Variants in SLC2A7 observed in about 807,000 individuals in gnomAD.
SLC2A7 encodes solute carrier family 2, facilitated glucose transporter member 7.
A neutral mutation model predicts 50.5 loss-of-function variants in SLC2A7; 50 were observed. The observed-to-expected ratio is 0.99, with a 90% CI of 0.79 to 1.25. The LOEUF (loss-of-function observed/expected upper bound fraction) is 1.25, where lower values mean the gene tolerates loss of function less well. Ranked by LOEUF, SLC2A7 falls within the 50% of genes most tolerant of loss-of-function variation. The pLI, the probability that SLC2A7 is intolerant of heterozygous loss-of-function variation, is 0.00. For synonymous variants in SLC2A7, 308 were observed against 300.4 expected (o/e 1.03, Z -0.26); for missense variants, 683 against 679.1 (o/e 1.01, Z -0.06).
intron 3 of SLC2A7, among the ~76,000 whole-genome samples, chr1:9,022,568 C>T (rs994403285): frequency 6.6e-6 from 1 of 152,132 alleles, no homozygotes; most frequent in Non-Finnish European, 1.5e-5. Flanking sequence ...GAGCCATGGT[C>T]ACCTGACCCC....
chr1:9,021,738 G>A (rs1557653056), intron 3 of SLC2A7, among the ~76,000 whole-genome samples: 3 of 152,170 alleles, frequency 2.0e-5, no homozygotes, highest in Admixed American at 6.5e-5. Flanking sequence ...GCCCCGACAC[G>A]TTCCCACCCT....
rs1640603256 is a variant in SLC2A7, at chr1:9,003,361, T to C, written c.1478A>G (p.Lys493Arg). The change falls in exon 12 of 12, where the codon AAA becomes AGA. Residue 493 changes from lysine (K) to arginine (R), a missense_variant. Coordinates refer to ENST00000400906, the MANE Select transcript of SLC2A7 (RefSeq NM_207420.3). Reference sequence around the variant, plus strand: ...AGGCCCAGCATCAATGGTTTCTTCTTTCTCCTCTGGAAGCTTCACCCTGTT... The same window carrying C: ...AGGCCCAGCATCAATGGTTTCTTCTCTCTCCTCTGGAAGCTTCACCCTGTT... ...KRNRVKLPEE[K>R]EETIDAGPPT... is the part of the protein sequence containing the mutation. 6.2e-7 allele frequency: 1 copy of C among 1,614,098 alleles called. No homozygotes were observed. Among genetic ancestry groups the C allele is most frequent in the African/African-American group, 1.3e-5 (1 of 74,928 alleles).
Position 9,026,304 on chromosome 1 carries a change from G to T in SLC2A7, c.42C>A (p.Ser14=), listed in dbSNP as rs1311390774. 6.2e-7 allele frequency: 1 copy of T among 1,609,510 alleles called. No individual in the cohort carries two copies. Among genetic ancestry groups the T allele is most frequent in the African/African-American group, 1.3e-5 (1 of 74,980 alleles). Residue 14 remains serine, a synonymous_variant, in exon 1 of 12, where the codon TCC becomes TCA. Transcript: ENST00000400906. The part of the protein sequence containing the change: ...KEAGTPPPIP[S]REGRLQPTLL... ...TAGTCTTGGCACTTACCCCCTCCCTGGATGGAATGGGTGGAGGGGTTCCCG... is the reference window on the plus strand; with the variant it reads ...TAGTCTTGGCACTTACCCCCTCCCTTGATGGAATGGGTGGAGGGGTTCCCG...
chr1:9,016,267 C>T (rs944059779), intron 5 of SLC2A7, among the ~76,000 whole-genome samples: 2 of 152,168 alleles, frequency 1.3e-5, no homozygotes, highest in Admixed American at 1.3e-4. Flanking sequence ...ATAAATCCAC[C>T]CATTAAGGAA....
intron 9 of SLC2A7, 147 bp from the exon 10 acceptor site, chr1:9,007,532 A>G (rs757747363): frequency 2.8e-6 from 2 of 702,682 alleles, no homozygotes; most frequent in Non-Finnish European, 4.8e-6. Flanking sequence ...TCTGTGGGCA[A>G]GAGAGGAAGG....
chr1:9,024,926 G>T (rs1229569699), intron 2 of SLC2A7, 50 bp downstream of exon 2: 1 of 1,594,494 alleles, frequency 6.3e-7, no homozygotes. Context: ...TTCCACCCAC[G>T]ACCCCGGTCA....
At chr1:9,000,735 T>C (rs2124229000), downstream of SLC2A7, among the ~76,000 whole-genome samples, 1 of 150,588 alleles carries the variant, frequency 6.6e-6, no homozygotes, top group Admixed American at 6.7e-5. Context: ...AAACAGCATG[T>C]GACTTTCCTG....
chr1:9,014,919 GC>G, intron 6 of SLC2A7, 51 bp from the exon 7 acceptor site: 1 of 1,527,012 alleles, frequency 6.5e-7, no homozygotes. Context: ...TGCAGGCTGG[GC>G]CCCAAGCCCC....
chr1:8,998,273 C>T (rs61623571), downstream of SLC2A7, among the ~76,000 whole-genome samples: 6,354 of 152,018 alleles, frequency 0.042, 433 homozygotes, highest in African/African-American at 0.15. Context: ...GGTGTGGTGG[C>T]GGGCGCCTGC....
chr1:9,013,813 C>A (rs569284082), intron 7 of SLC2A7, among the ~76,000 whole-genome samples, 178 bp from the exon 8 acceptor site: 9 of 152,284 alleles, frequency 5.9e-5, no homozygotes, highest in Admixed American at 5.2e-4. Flanking sequence ...CAGGGTGGAG[C>A]CCGGCGCTGC....
At chr1:9,007,878 G>A (rs1640680060) in intron 9 of SLC2A7, among the ~76,000 whole-genome samples, 1 of 152,034 alleles carries the variant, frequency 6.6e-6, no homozygotes. Context: ...GGGACTAGAG[G>A]CGTGCGCCAC....
chr1:8,998,256 T>A (rs1640533278), downstream of SLC2A7, among the ~76,000 whole-genome samples: 1 of 151,968 alleles, frequency 6.6e-6, no homozygotes, highest in Non-Finnish European at 1.5e-5. Context: ...ATACAAAAAA[T>A]TAGCCTGGTG....
chr1:9,002,800 C>T (rs1402222451), downstream of SLC2A7, among the ~76,000 whole-genome samples: 2 of 152,212 alleles, frequency 1.3e-5, no homozygotes, highest in Admixed American at 6.5e-5. Flanking sequence ...GAGGGGCTGG[C>T]CCCCTTCACC....
downstream of SLC2A7, among the ~76,000 whole-genome samples, chr1:8,999,485 C>T (rs2124227661): frequency 6.6e-6 from 1 of 152,308 alleles, no homozygotes; most frequent in African/African-American, 2.4e-5. Flanking sequence ...ACCTATTTCT[C>T]CACTCACACC....
intron 8 of SLC2A7, among the ~76,000 whole-genome samples, chr1:9,011,646 A>G (rs1453550965): frequency 6.8e-6 from 1 of 147,758 alleles, no homozygotes; most frequent in African/African-American, 2.5e-5. Context: ...TGACCCCTCC[A>G]CTCAGCCAGC....
Position 9,007,346 on chromosome 1 carries a change from C to T in SLC2A7, c.1156G>A (p.Val386Ile). ...PELSYLGIIC[V>I]FAYIAGHSIG... ...GAATGTCCCGCGATGTAGGCAAAGA[C>T]ACAGATGATGCCGAGGTAGGACAGC... Residue 386 changes from valine to isoleucine, a missense_variant, in exon 10 of 12, where the codon GTC becomes ATC. Coordinates refer to ENST00000400906, the MANE Select transcript of SLC2A7 (RefSeq NM_207420.3). 1 of 1,614,176 alleles carries T rather than the reference C, an allele frequency of 6.2e-7. No individual in the cohort carries two copies. Among genetic ancestry groups the T allele is most frequent in the Non-Finnish European group, 8.5e-7 (1 of 1,180,024 alleles).
intron 8 of SLC2A7, among the ~76,000 whole-genome samples, chr1:9,012,574 C>G (rs1640763688): frequency 6.6e-6 from 1 of 152,186 alleles, no homozygotes; most frequent in Non-Finnish European, 1.5e-5. Context: ...GGAACTTAAA[C>G]TAGCTCTGGG....
intron 2 of SLC2A7, among the ~76,000 whole-genome samples, chr1:9,023,337 G>A (rs1362350489): frequency 6.6e-6 from 1 of 152,252 alleles, no homozygotes; most frequent in Non-Finnish European, 1.5e-5. Context: ...GCCGGACGCA[G>A]TGGCTCACGC....
chr1:9,001,491 T>C (rs926684918), downstream of SLC2A7, among the ~76,000 whole-genome samples: 4 of 149,492 alleles, frequency 2.7e-5, no homozygotes, highest in African/African-American at 9.9e-5. Context: ...GCATTATGGC[T>C]CATTGCAACC....
Sources: gnomAD v4.1 joint callset for allele counts (sites outside exome capture counted in the v4.1 genomes callset) on GRCh38, gnomAD v4.1.1 for gene constraint, MANE v1.5 for transcripts, NCBI Gene and HGNC (gene_info 2026-07-23, HGNC 2026-07-21) for gene names.